SLC25A26: variants seen among roughly 807,000 people sequenced by gnomAD.
The protein encoded by SLC25A26 is solute carrier family 25 member 26, also known as mitochondrial S-adenosylmethionine carrier protein.
SLC25A26 carries 36 observed loss-of-function variants against 37.8 expected under a neutral mutation model. The ratio of observed to expected loss-of-function variants is 0.95; its 90% CI spans 0.73 to 1.26. The LOEUF is 1.26. SLC25A26 is among the 50% of genes most tolerant of loss of function. SLC25A26 has a pLI of 0.00. For missense variants in SLC25A26, 390 were observed against 331.1 expected (o/e 1.18, Z -1.38); for synonymous variants, 129 against 122.5 (o/e 1.05, Z -0.35).
intron 1 of SLC25A26, among the ~76,000 whole-genome samples, chr3:66,168,542 G>T (rs1289620075): frequency 1.3e-5 from 2 of 152,174 alleles, no homozygotes; most frequent in African/African-American, 4.8e-5. Flanking sequence ...GGTCAGAACT[G>T]TAATTACTTT....
At chr3:66,204,925 G>A (rs2071157991) in intron 1 of SLC25A26, among the ~76,000 whole-genome samples, 1 of 152,200 alleles carries the variant, frequency 6.6e-6, no homozygotes, top group South Asian at 2.1e-4. Flanking sequence ...CTAGCAGGTA[G>A]GGAAGGGTAT....
At chr3:66,243,794 C>G (rs1367880574) in intron 3 of SLC25A26, among the ~76,000 whole-genome samples, 3 of 152,210 alleles carry the variant, frequency 2.0e-5, no homozygotes, top group Non-Finnish European at 4.4e-5. Flanking sequence ...AGCTCACACA[C>G]CCTGTCACTG....
intron 1 of SLC25A26, among the ~76,000 whole-genome samples, chr3:66,140,888 A>AGTCCCTT (rs1228999091): frequency 6.6e-6 from 1 of 152,176 alleles, no homozygotes; most frequent in East Asian, 1.9e-4. Context: ...CGGACTGCCA[A>AGTCCCTT]GTCCCTTGCA....
At chr3:66,370,635 C>T in intron 9 of SLC25A26, 33 bp downstream of exon 9, 1 of 1,541,640 alleles carries the variant, frequency 6.5e-7, no homozygotes, top group Non-Finnish European at 8.9e-7. Flanking sequence ...TCCTTTCTTC[C>T]TCTCCACCAC....
rs544478679 is a variant in SLC25A26 at position 66,267,558 on chromosome 3, G to A, written c.453+4179G>A. 4.6e-5 allele frequency among the ~76,000 whole-genome samples: 7 copies of A among 152,328 alleles called. No homozygotes were observed. In the East Asian group the frequency reaches 1.4e-3, roughly 29 times the overall value. Reference sequence around the variant, plus strand: ...TGCTGGTATCTGACTCCTGTCTGCAGAAACCTGAAGGTGAGAAGCTGGTTG... The same window carrying A: ...TGCTGGTATCTGACTCCTGTCTGCAAAAACCTGAAGGTGAGAAGCTGGTTG... On this transcript the variant is annotated intron_variant, in intron 5 of 9. Transcript: ENST00000354883.
At chr3:66,288,962 A>G (rs1024133396) in intron 5 of SLC25A26, among the ~76,000 whole-genome samples, 2 of 152,056 alleles carry the variant, frequency 1.3e-5, no homozygotes, top group Non-Finnish European at 2.9e-5. Flanking sequence ...AAGCATTCCT[A>G]TTTCTCCACA....
At chr3:66,309,543 C>A (rs530544545) in intron 5 of SLC25A26, among the ~76,000 whole-genome samples, 1 of 152,132 alleles carries the variant, frequency 6.6e-6, no homozygotes, top group South Asian at 2.1e-4. Flanking sequence ...TTGTCTTCTG[C>A]TAGCTTTCGA....
intron 3 of SLC25A26, among the ~76,000 whole-genome samples, chr3:66,257,118 A>G (rs1343328400): frequency 1.3e-5 from 2 of 152,178 alleles, no homozygotes; most frequent in East Asian, 3.9e-4. Context: ...GGTGTAAGCT[A>G]GTAAGTAAAA....
chr3:66,235,290 G>A (rs539612918), intron 1 of SLC25A26, among the ~76,000 whole-genome samples: 3 of 152,130 alleles, frequency 2.0e-5, no homozygotes, highest in East Asian at 1.9e-4. Flanking sequence ...CTACATATTT[G>A]TCACTATAAT....
intron 5 of SLC25A26, among the ~76,000 whole-genome samples, chr3:66,346,007 A>G (rs1200388392): frequency 2.0e-5 from 3 of 152,186 alleles, no homozygotes; most frequent in Admixed American, 2.0e-4. Flanking sequence ...AACCTGGGCA[A>G]CATGGTGAAA....
chr3:66,319,547 G>C (rs1456824791), intron 5 of SLC25A26, among the ~76,000 whole-genome samples: 1 of 151,950 alleles, frequency 6.6e-6, no homozygotes, highest in Non-Finnish European at 1.5e-5. Flanking sequence ...TGTTATTAGT[G>C]AGCTTGTTTA....
At chr3:66,276,563 T>C (rs2107405853) in intron 5 of SLC25A26, among the ~76,000 whole-genome samples, 1 of 152,242 alleles carries the variant, frequency 6.6e-6, no homozygotes, top group South Asian at 2.1e-4. Flanking sequence ...TTAATATTGA[T>C]TTCAGCATCC....
At chr3:66,205,946 G>GA (rs1224521716) in intron 1 of SLC25A26, among the ~76,000 whole-genome samples, 2 of 152,146 alleles carry the variant, frequency 1.3e-5, no homozygotes, top group African/African-American at 4.8e-5. Flanking sequence ...CAGAAAAAGG[G>GA]AAAAAATTGA....
intron 6 of SLC25A26, among the ~76,000 whole-genome samples, chr3:66,350,422 C>G (rs2076422762): frequency 6.6e-6 from 1 of 152,174 alleles, no homozygotes; most frequent in Non-Finnish European, 1.5e-5. Context: ...TATCACATTA[C>G]TCAACAAATT....
intron 3 of SLC25A26, among the ~76,000 whole-genome samples, chr3:66,254,003 G>T (rs2073199862): frequency 6.6e-6 from 1 of 152,220 alleles, no homozygotes; most frequent in South Asian, 2.1e-4. Flanking sequence ...TCCTTGTGTA[G>T]TCTGTATTAC....
chr3:66,163,410 T>C (rs1356349141), intron 1 of SLC25A26, among the ~76,000 whole-genome samples: 1 of 152,196 alleles, frequency 6.6e-6, no homozygotes, highest in Non-Finnish European at 1.5e-5. Context: ...TCTTCTCATC[T>C]TTTTTCCCCG....
intron 3 of SLC25A26, among the ~76,000 whole-genome samples, chr3:66,254,617 A>G (rs902233319): frequency 6.6e-6 from 1 of 152,242 alleles, no homozygotes; most frequent in South Asian, 2.1e-4. Flanking sequence ...AGTGCATTAG[A>G]TGTGTGTAAG....
intron 5 of SLC25A26, among the ~76,000 whole-genome samples, chr3:66,299,538 G>C (rs1283942153): frequency 6.6e-6 from 1 of 152,080 alleles, no homozygotes; most frequent in East Asian, 1.9e-4. Context: ...TTAACTACTT[G>C]TAAAAACTAT....
At chr3:66,318,920 G>C (rs1037115859) in intron 5 of SLC25A26, among the ~76,000 whole-genome samples, 3 of 152,046 alleles carry the variant, frequency 2.0e-5, no homozygotes, top group African/African-American at 7.3e-5. Flanking sequence ...AAAGTGCTGG[G>C]ATTACAGACA....
Sources: gnomAD v4.1 joint callset for allele counts (sites outside exome capture counted in the v4.1 genomes callset) on GRCh38, gnomAD v4.1.1 for gene constraint, MANE v1.5 for transcripts, NCBI Gene and HGNC (gene_info 2026-07-23, HGNC 2026-07-21) for gene names.